The following BBS9 variants were observed in gnomAD, a reference collection of about 807,000 sequenced individuals.
BBS9 encodes Bardet-Biedl syndrome 9, also known as protein PTHB1.
Under a neutral mutation model 117.7 loss-of-function variants are expected in BBS9, and 89 were observed. The observed-to-expected ratio is 0.76, with a 90% CI of 0.64 to 0.90. BBS9 has a LOEUF of 0.90. BBS9 is among the 40% of genes least tolerant of loss of function. The pLI, the probability that BBS9 is intolerant of heterozygous loss-of-function variation, is 0.00. For synonymous variants in BBS9, 379 were observed against 370.9 expected (o/e 1.02, Z -0.25); for missense variants, 982 against 1,042.2 (o/e 0.94, Z 0.80).
intron 20 of BBS9, among the ~76,000 whole-genome samples, chr7:33,512,129 A>G (rs1847059232): frequency 6.6e-6 from 1 of 152,174 alleles, no homozygotes; most frequent in Non-Finnish European, 1.5e-5. Flanking sequence ...ATGACCACAT[A>G]CCCTGTGTTG....
chr7:33,478,204 G>A lies in BBS9; in HGVS notation c.2116-27259G>A, dbSNP rs190155270. 2.0e-5 allele frequency among the ~76,000 whole-genome samples: 3 copies of A among 152,192 alleles called. No homozygotes were observed. In the East Asian group the frequency reaches 5.8e-4, roughly 29 times the overall value. On this transcript the variant is annotated intron_variant, in intron 19 of 22. Coordinates refer to ENST00000242067, the MANE Select transcript of BBS9 (RefSeq NM_198428.3). ...TTTTTTTGAGGTCAAAGACTCCAGT[G>A]GGATTCTGAAAATGTTGGGCTCTTT...
At chr7:33,397,295 G>A (rs563674509) in intron 19 of BBS9, among the ~76,000 whole-genome samples, 10 of 152,132 alleles carry the variant, frequency 6.6e-5, no homozygotes, top group African/African-American at 2.4e-4. Context: ...AGTCAGAATG[G>A]GTATAATTAA....
intron 19 of BBS9, among the ~76,000 whole-genome samples, chr7:33,393,803 G>T (rs1197412929): frequency 6.6e-6 from 1 of 152,142 alleles, no homozygotes; most frequent in Admixed American, 6.5e-5. Context: ...CCCTCTCTTG[G>T]CCTATTGTGG....
At chr7:33,616,102 A>G (rs2129218378) in intron 21 of BBS9, among the ~76,000 whole-genome samples, 1 of 152,162 alleles carries the variant, frequency 6.6e-6, no homozygotes, top group East Asian at 1.9e-4. Flanking sequence ...TTGGATCTAC[A>G]TAAAGAAGAG....
chr7:33,501,715 T>G (rs1845470727), intron 19 of BBS9, among the ~76,000 whole-genome samples: 1 of 152,276 alleles, frequency 6.6e-6, no homozygotes, highest in South Asian at 2.1e-4. Flanking sequence ...ATGCCCCAAA[T>G]ATTTGTTATG....
intron 19 of BBS9, among the ~76,000 whole-genome samples, chr7:33,433,092 T>G (rs1039816380): frequency 6.6e-6 from 1 of 152,214 alleles, no homozygotes; most frequent in Admixed American, 6.5e-5. Context: ...TAGGAGGCAC[T>G]TGATTTAGGA....
At chr7:33,488,064 C>T (rs1237999556) in intron 19 of BBS9, among the ~76,000 whole-genome samples, 1 of 152,194 alleles carries the variant, frequency 6.6e-6, no homozygotes, top group Non-Finnish European at 1.5e-5. Flanking sequence ...AAACTCTGAT[C>T]CCATTTTATG....
chr7:33,559,723 A>G (rs1388045420), intron 21 of BBS9, among the ~76,000 whole-genome samples: 1 of 152,108 alleles, frequency 6.6e-6, no homozygotes, highest in African/African-American at 2.4e-5. Context: ...GAAGTCCTTC[A>G]TTGCCTTCAC....
intron 19 of BBS9, among the ~76,000 whole-genome samples, chr7:33,501,645 G>C (rs1445091353): frequency 2.0e-5 from 3 of 152,204 alleles, no homozygotes; most frequent in African/African-American, 7.2e-5. Flanking sequence ...GTTGCACTTA[G>C]TGAGGATTTT....
At chr7:33,400,598 A>G (rs1173343563) in intron 19 of BBS9, among the ~76,000 whole-genome samples, 1 of 152,136 alleles carries the variant, frequency 6.6e-6, no homozygotes, top group Non-Finnish European at 1.5e-5. Flanking sequence ...AGTAGAGGAA[A>G]ACAAAGCCAG....
At chr7:33,222,768 T>C (rs1790491782) in intron 5 of BBS9, among the ~76,000 whole-genome samples, 1 of 151,638 alleles carries the variant, frequency 6.6e-6, no homozygotes, top group South Asian at 2.1e-4. Flanking sequence ...CCAAAATTGG[T>C]TAAACCCCCG....
chr7:33,272,036 T>C (rs1799886806), intron 7 of BBS9, among the ~76,000 whole-genome samples: 2 of 152,238 alleles, frequency 1.3e-5, no homozygotes, highest in South Asian at 2.1e-4. Flanking sequence ...GTGGTACATA[T>C]ACACCATGGA....
In BBS9 at chr7:33,255,420, A is replaced by G. The variant is rs995374324; in HGVS notation, c.443-1816A>G. Among the ~76,000 whole-genome samples the G allele has an allele frequency of 2.8e-5, 4 of 145,434 alleles. No individual in the cohort carries two copies. In the East Asian group the frequency reaches 6.1e-4, roughly 22 times the overall value. Reference sequence around the variant, plus strand: ...TTATTGAAGAGACTGTTCTTTCACCATTGTGTATTCTTGGCGCCTTTGCTG... The same window carrying G: ...TTATTGAAGAGACTGTTCTTTCACCGTTGTGTATTCTTGGCGCCTTTGCTG... On this transcript the variant is annotated intron_variant, in intron 5 of 22. Transcript: ENST00000242067.
intron 19 of BBS9, among the ~76,000 whole-genome samples, chr7:33,440,833 A>G (rs531942409): frequency 6.6e-6 from 1 of 152,326 alleles, no homozygotes; most frequent in African/African-American, 2.4e-5. Flanking sequence ...GCAGTGATAT[A>G]ATTTATAATT....
At chr7:33,171,747 C>T (rs920910775) in intron 4 of BBS9, among the ~76,000 whole-genome samples, 1 of 152,034 alleles carries the variant, frequency 6.6e-6, no homozygotes, top group African/African-American at 2.4e-5. Flanking sequence ...ATGACTCAGA[C>T]ATTTTATGAT....
chr7:33,634,999 A>G (rs892659523), intron 21 of BBS9, among the ~76,000 whole-genome samples: 1 of 152,028 alleles, frequency 6.6e-6, no homozygotes, highest in African/African-American at 2.4e-5. Flanking sequence ...GGCCTCCCAC[A>G]CTCGCAGTGG....
At chr7:33,153,600 G>T (rs1222131256) in intron 3 of BBS9, among the ~76,000 whole-genome samples, 1 of 152,088 alleles carries the variant, frequency 6.6e-6, no homozygotes, top group Non-Finnish European at 1.5e-5. Context: ...CTGGATTTTG[G>T]CATTCTACAT....
chr7:33,352,977 T>C, intron 15 of BBS9, 104 bp downstream of exon 15: 1 of 1,214,896 alleles, frequency 8.2e-7, no homozygotes, highest in Non-Finnish European at 1.2e-6. Flanking sequence ...GACTGCTCTT[T>C]TAACTAGAAG....
At chr7:33,174,190 G>A (rs1797000008) in intron 4 of BBS9, among the ~76,000 whole-genome samples, 1 of 152,156 alleles carries the variant, frequency 6.6e-6, no homozygotes, top group Non-Finnish European at 1.5e-5. Flanking sequence ...ACACAAATAT[G>A]TGGAGCTTCT....
Sources: allele counts gnomAD v4.1 joint callset (sites outside exome capture counted in the v4.1 genomes callset), GRCh38; gene constraint gnomAD v4.1.1; transcripts MANE v1.5; gene names NCBI Gene and HGNC (gene_info 2026-07-23, HGNC 2026-07-21).